PEX5L: variants seen among roughly 807,000 people sequenced by gnomAD.
PEX5L encodes the protein peroxisomal biogenesis factor 5 like.
Under a neutral mutation model 84.0 loss-of-function variants are expected in PEX5L, and 30 were observed. The ratio of observed to expected loss-of-function variants is 0.36; its 90% confidence interval spans 0.27 to 0.48. The LOEUF is 0.48. Ranked by LOEUF, PEX5L falls within the 20% of genes least tolerant of loss-of-function variation. The probability of loss-of-function intolerance (pLI) is 0.99; values close to 1 mark genes in which losing one functional copy is unlikely to be tolerated. For missense variants in PEX5L, 533 were observed against 754.6 expected (o/e 0.71, Z 3.44); for synonymous variants, 270 against 283.1 (o/e 0.95, Z 0.46).
intron 9 of PEX5L, among the ~76,000 whole-genome samples, chr3:179,817,754 C>G (rs575113903): frequency 6.6e-6 from 1 of 152,220 alleles, no homozygotes; most frequent in Non-Finnish European, 1.5e-5. Flanking sequence ...CAAGTGGAGG[C>G]CTTCAGTCTC....
At chr3:179,937,792 T>C (rs1344056048) in intron 2 of PEX5L, among the ~76,000 whole-genome samples, 1 of 152,188 alleles carries the variant, frequency 6.6e-6, no homozygotes, top group Non-Finnish European at 1.5e-5. Context: ...CTACCCAATA[T>C]TAACCAGGTT....
At chr3:179,802,152 G>A (rs775898649) in intron 14 of PEX5L, 120 bp from the exon 15 acceptor site, 22 of 706,604 alleles carry the variant, frequency 3.1e-5, no homozygotes, top group Non-Finnish European at 5.2e-5. Flanking sequence ...CACCTCTTAC[G>A]TGTTCTGGAT....
intron 1 of PEX5L, among the ~76,000 whole-genome samples, chr3:179,979,489 T>C (rs1786111981): frequency 6.6e-6 from 1 of 152,190 alleles, no homozygotes; most frequent in Non-Finnish European, 1.5e-5. Flanking sequence ...CTGGGTGCTA[T>C]TTCCAAAACA....
intron 7 of PEX5L, among the ~76,000 whole-genome samples, chr3:179,868,113 T>G (rs915946765): frequency 1.4e-5 from 2 of 146,698 alleles, no homozygotes; most frequent in African/African-American, 5.0e-5. Context: ...ACTTCAGAGC[T>G]CAAGGATCTG....
intron 1 of PEX5L, among the ~76,000 whole-genome samples, chr3:179,999,527 T>C (rs538170537): frequency 9.1e-4 from 139 of 152,330 alleles, no homozygotes; most frequent in African/African-American, 3.0e-3. Flanking sequence ...GCTCTCAATA[T>C]GGCACCATTC....
chr3:179,971,805 A>T, intron 1 of PEX5L, 140 bp from the exon 2 acceptor site: 1 of 813,796 alleles, frequency 1.2e-6, no homozygotes, highest in Non-Finnish European at 1.8e-6. Flanking sequence ...TTGCTCATGT[A>T]CAACAGCAAA....
At chr3:179,903,245 G>A (rs1762016448) in intron 2 of PEX5L, among the ~76,000 whole-genome samples, 1 of 152,010 alleles carries the variant, frequency 6.6e-6, no homozygotes, top group Non-Finnish European at 1.5e-5. Flanking sequence ...TTTTGAGACA[G>A]TGTCTCGCTC....
intron 2 of PEX5L, among the ~76,000 whole-genome samples, chr3:179,918,206 T>C (rs978374800): frequency 8.5e-5 from 13 of 152,296 alleles, no homozygotes; most frequent in African/African-American, 3.1e-4. Flanking sequence ...CTTGGGCCCA[T>C]GTTGTCAGCC....
intron 1 of PEX5L, chr3:179,973,919 C>G (rs1240131068): frequency 9.1e-6 from 9 of 985,366 alleles, no homozygotes; most frequent in Non-Finnish European, 1.1e-5. Context: ...TGGAGCCTTA[C>G]AGTTTTACTC....
At chr3:179,878,255 A>C (rs1356403041) in intron 5 of PEX5L, among the ~76,000 whole-genome samples, 2 of 152,032 alleles carry the variant, frequency 1.3e-5, no homozygotes, top group African/African-American at 4.8e-5. Flanking sequence ...TTTGTTTCCA[A>C]GTCTTGTTTT....
intron 4 of PEX5L, among the ~76,000 whole-genome samples, chr3:179,883,105 C>T (rs1002865138): frequency 1.3e-5 from 2 of 152,066 alleles, no homozygotes; most frequent in Non-Finnish European, 1.5e-5. Context: ...ATAATCTCCT[C>T]TTACAATGAA....
intron 1 of PEX5L, among the ~76,000 whole-genome samples, chr3:180,034,983 A>G (rs1791770704): frequency 6.6e-6 from 1 of 152,152 alleles, no homozygotes; most frequent in Non-Finnish European, 1.5e-5. Flanking sequence ...GGGTGCATGA[A>G]TTTACCATAT....
In PEX5L at chr3:179,908,671, A is replaced by C. The variant is rs545455882; in HGVS notation, c.94-10425T>G. On this transcript the variant is annotated intron_variant, in intron 2 of 14. Coordinates refer to ENST00000467460, the MANE Select transcript of PEX5L (RefSeq NM_016559.3). ...GTGTGATATTCCCCTTCCTGTGTCC[A>C]TGTGTTCTCATTGTTCAATTCCCAC... Among the ~76,000 whole-genome samples, 466 of 130,262 alleles carry C rather than the reference A, an allele frequency of 3.6e-3. 4 individuals are homozygous for C. The highest frequency in any genetic ancestry group is 0.014 in the African/African-American group (455 of 33,494). The allele number at this position is 130,262 out of a possible 152,430, so 85.5% of individuals were successfully genotyped here.
At position 179,808,406 on chromosome 3, in the gene PEX5L, G is replaced by C; in HGVS notation, c.1384C>G (p.Leu462Val). 1.9e-6 allele frequency: 3 copies of C among 1,565,514 alleles called. No homozygotes were observed. The highest frequency in any genetic ancestry group is 2.6e-6 in the Non-Finnish European group (3 of 1,158,468). The change falls in exon 13 of 15, where the codon CTG becomes GTG. Residue 462 changes from leucine (L) to valine (V), a missense_variant. By Grantham distance (32) the Leu-to-Val change is conservative. Coordinates refer to ENST00000467460, the MANE Select transcript of PEX5L (RefSeq NM_016559.3). ...TCTCCATTTTGGTGGGCAGCTTCCA[G>C]ATATAATTCCTTCACCCCTTCCAGA... ...SVLEGVKELY[L>V]EAAHQNGDMI...
chr3:179,928,234 C>T (rs1438170905), intron 2 of PEX5L, among the ~76,000 whole-genome samples: 1 of 152,212 alleles, frequency 6.6e-6, no homozygotes, highest in Non-Finnish European at 1.5e-5. Context: ...GGCTTATATG[C>T]TCCTGCATCA....
In PEX5L at chr3:179,950,063, C is replaced by T. The variant is rs73883415; in HGVS notation, c.93+21531G>A. On this transcript the variant is annotated intron_variant, in intron 2 of 14. Coordinates refer to ENST00000467460, the MANE Select transcript of PEX5L (RefSeq NM_016559.3). ...CCTATTGGTACTGTGAAACTGTGGT[C>T]GAAGGACTGTGTGCTCTCTGGCACT... Among the ~76,000 whole-genome samples the T allele has an allele frequency of 5.7e-3, 871 of 152,264 alleles. 7 individuals carry two copies. The highest frequency in any genetic ancestry group is 0.02 in the African/African-American group (831 of 41,546).
In PEX5L at chr3:179,962,764, T is replaced by A. The variant is rs180795091; in HGVS notation, c.93+8830A>T. Among the ~76,000 whole-genome samples, 3 of 152,316 alleles carry A rather than the reference T, an allele frequency of 2.0e-5. No individual in the cohort carries two copies. The East Asian group carries it at 5.8e-4, about 29-fold the overall frequency. On this transcript the variant is annotated intron_variant, in intron 2 of 14. Coordinates refer to ENST00000467460, the MANE Select transcript of PEX5L (RefSeq NM_016559.3). ...GTTTCTTTTCAATTTCTCTACCAAA[T>A]GGCTGAGTCTAATTTTAAGTACTAC...
At chr3:179,973,101 G>A in intron 1 of PEX5L, 1 of 1,001,120 alleles carries the variant, frequency 1.0e-6, no homozygotes, top group South Asian at 1.9e-5. Context: ...TTTGTCTAGA[G>A]TGTCTCTAAT....
chr3:179,943,571 T>C (rs1399578198), intron 2 of PEX5L, among the ~76,000 whole-genome samples: 1 of 152,250 alleles, frequency 6.6e-6, no homozygotes, highest in Non-Finnish European at 1.5e-5. Context: ...ATTCAGTTTC[T>C]GCTCACTGGA....
Sources: gnomAD v4.1 joint callset for allele counts (sites outside exome capture counted in the v4.1 genomes callset) on GRCh38, gnomAD v4.1.1 for gene constraint, MANE v1.5 for transcripts, NCBI Gene and HGNC (gene_info 2026-07-23, HGNC 2026-07-21) for gene names.